MRTFA: variants seen among roughly 807,000 people sequenced by gnomAD.
MRTFA encodes myocardin related transcription factor A.
A neutral mutation model predicts 83.5 loss-of-function variants in MRTFA; 20 were observed. That is an observed-to-expected ratio of 0.24 (90% CI 0.17 to 0.35). The LOEUF (loss-of-function observed/expected upper bound fraction) is 0.35. MRTFA is among the 10% of genes least tolerant of loss of function. The pLI is 1.00. For synonymous variants in MRTFA, 659 were observed against 541.2 expected (o/e 1.22, Z -3.02); for missense variants, 1,200 against 1,224.7 (o/e 0.98, Z 0.30).
intron 3 of MRTFA, among the ~76,000 whole-genome samples, chr22:40,538,330 G>A (rs967192349): frequency 7.8e-5 from 11 of 140,434 alleles, no homozygotes; most frequent in African/African-American, 1.3e-4. Flanking sequence ...GATTAAGGGC[G>A]GTGCAAGATG....
chr22:40,410,868 T>TTACAC lies in MRTFA; in HGVS notation c.*517_*521dup, dbSNP rs2052503724. The TTACAC allele has an allele frequency of 4.3e-6, 1 of 233,340 alleles. No homozygotes were observed. Among genetic ancestry groups the TTACAC allele is most frequent in the Admixed American group, 5.6e-5 (1 of 17,776 alleles). 14.5% of individuals were successfully genotyped at this position (233,340 alleles called of 1,614,324 possible). ...ATTGTTGCCACCAACCACTAAATGGTTACACTACACCAAGACACTAAAATG... is the reference window on the plus strand; with the variant it reads ...ATTGTTGCCACCAACCACTAAATGGTTACACTACACTACACCAAGACACTAAAATG... On this transcript the variant is annotated 3_prime_UTR_variant, in exon 15 of 15. Coordinates refer to ENST00000355630, the MANE Select transcript of MRTFA (RefSeq NM_020831.6).
At chr22:40,489,623 A>G (rs910842945) in intron 3 of MRTFA, among the ~76,000 whole-genome samples, 2 of 152,034 alleles carry the variant, frequency 1.3e-5, no homozygotes, top group Admixed American at 1.3e-4. Context: ...CCATAATTTG[A>G]GTCCTTTCAA....
In MRTFA at chr22:40,418,382, G is replaced by T. The variant is rs769963035; in HGVS notation, c.2356C>A (p.Pro786Thr). 6.2e-7 allele frequency: 1 copy of T among 1,613,574 alleles called. No individual in the cohort carries two copies. Among genetic ancestry groups the T allele is most frequent in the Admixed American group, 1.7e-5 (1 of 59,968 alleles). The change falls in exon 12 of 15, where the codon CCC becomes ACC. Residue 786 changes from proline to threonine, a missense_variant. Physicochemically the swap from Pro to Thr is conservative, Grantham distance 38. Coordinates refer to ENST00000355630, the MANE Select transcript of MRTFA (RefSeq NM_020831.6). ...CTCCCATACCCAGGTACCTGCTGGG[G>T]GCTCCCACTGGACAGGCCAGGGCTG...
intron 8 of MRTFA, 40 bp downstream of exon 8, chr22:40,424,166 C>T (rs1259060887): frequency 5.1e-6 from 8 of 1,558,922 alleles, no homozygotes; most frequent in Admixed American, 2.0e-5. Flanking sequence ...GCAGCCCTAG[C>T]ACCTTGGAGC....
chr22:40,584,466 G>T (rs1304344683), intron 2 of MRTFA, among the ~76,000 whole-genome samples: 1 of 152,224 alleles, frequency 6.6e-6, no homozygotes, highest in Non-Finnish European at 1.5e-5. Flanking sequence ...GGCAGGCGTG[G>T]TGGCTTGCGC....
intron 3 of MRTFA, among the ~76,000 whole-genome samples, chr22:40,529,227 AATG>A (rs1751898863): frequency 6.6e-6 from 1 of 152,230 alleles, no homozygotes; most frequent in African/African-American, 2.4e-5. Flanking sequence ...AACAAACTGT[AATG>A]ATTAGGGAAA....
chr22:40,433,892 CA>C (rs1452009762), intron 5 of MRTFA, among the ~76,000 whole-genome samples: 2 of 152,080 alleles, frequency 1.3e-5, no homozygotes, highest in Admixed American at 1.3e-4. Flanking sequence ...GCATGGTAAG[CA>C]AATTGAACGT....
intron 2 of MRTFA, among the ~76,000 whole-genome samples, chr22:40,585,152 GA>G (rs2056009434): frequency 6.6e-6 from 1 of 152,216 alleles, no homozygotes; most frequent in African/African-American, 2.4e-5. Flanking sequence ...AAGGGAAGAG[GA>G]AACAAGGCAG....
At position 40,537,802 on chromosome 22, in the gene MRTFA, G is replaced by A. The variant is rs1486293160; in HGVS notation, c.241+14304C>T. Among the ~76,000 whole-genome samples, 187 of 27,526 alleles carry A rather than the reference G, an allele frequency of 6.8e-3. 6 individuals are homozygous for A. Among genetic ancestry groups the A allele is most frequent in the African/African-American group, 0.036 (169 of 4,678 alleles). The allele number at this position is 27,526 out of a possible 152,430, so 18.1% of individuals were successfully genotyped here. On this transcript the variant is annotated intron_variant, in intron 3 of 14. Coordinates refer to ENST00000355630, the MANE Select transcript of MRTFA (RefSeq NM_020831.6). The stretch of plus-strand genomic sequence containing the variant: ...AGCCCCCCGCCTGGCCAGCCGCCCC[G>A]TCCGGGAGGGAGGTGGGGGGGTCAG...
chr22:40,600,203 AAAGAG>A (rs929561673), intron 1 of MRTFA, among the ~76,000 whole-genome samples: 1 of 152,092 alleles, frequency 6.6e-6, no homozygotes, highest in Non-Finnish European at 1.5e-5. Flanking sequence ...TTCTGCACCC[AAAGAG>A]AAGATTAAAT....
chr22:40,411,924 A>G lies in MRTFA; in HGVS notation c.2579-17T>C. 1 of 1,476,362 alleles carries G rather than the reference A, an allele frequency of 6.8e-7. No homozygotes were observed. Among genetic ancestry groups the G allele is most frequent in the Non-Finnish European group, 9.0e-7 (1 of 1,112,038 alleles). 91.5% of individuals were successfully genotyped at this position (1,476,362 alleles called of 1,614,324 possible). ...CTGAAATTTCTGCCAATCAATCAAG[A>G]GAGTAAATGGATATCAGAAGCCAAG... On this transcript the variant is annotated splice_polypyrimidine_tract_variant and intron_variant, in intron 14 of 14. Transcript: ENST00000355630.
chr22:40,601,786 T>TAA (rs1394616528), intron 1 of MRTFA, among the ~76,000 whole-genome samples: 1 of 152,180 alleles, frequency 6.6e-6, no homozygotes, highest in Non-Finnish European at 1.5e-5. Context: ...TTTGTCTCTT[T>TAA]AAAAACAATG....
chr22:40,523,707 A>G (rs1443792984), intron 3 of MRTFA: 2 of 152,156 alleles, frequency 1.3e-5, no homozygotes, highest in Non-Finnish European at 2.9e-5. Flanking sequence ...TGCATTCCTA[A>G]TAGGCTTCCA....
rs1838668474 is a variant in MRTFA at position 40,420,960 on chromosome 22, G to A, written c.1068C>T (p.Asp356=). ...GCTGCAGGATCTTGGCGTAGGATGAGTCCATGGGGGGTGCCCCCCTGTCCT... is the reference window on the plus strand; with the variant it reads ...GCTGCAGGATCTTGGCGTAGGATGAATCCATGGGGGGTGCCCCCCTGTCCT... The change falls in exon 10 of 15, where the codon GAC becomes GAT. Residue 356 remains aspartate (D), a synonymous_variant. Coordinates refer to ENST00000355630, the MANE Select transcript of MRTFA (RefSeq NM_020831.6). 7 of 1,613,562 alleles carry A rather than the reference G, an allele frequency of 4.3e-6. No homozygotes were observed. The highest frequency in any genetic ancestry group is 2.2e-5 in the East Asian group (1 of 44,868).
At chr22:40,516,146 G>A (rs570950895) in intron 3 of MRTFA, among the ~76,000 whole-genome samples, 26 of 152,126 alleles carry the variant, frequency 1.7e-4, no homozygotes, top group Admixed American at 8.5e-4. Flanking sequence ...GGCTAGGCAC[G>A]GTGGCTCATG....
intron 1 of MRTFA, among the ~76,000 whole-genome samples, chr22:40,608,064 G>A (rs977905422): frequency 1.1e-4 from 17 of 152,054 alleles, no homozygotes; most frequent in African/African-American, 3.6e-4. Flanking sequence ...TCACTCTGTC[G>A]CCCAGGCTGG....
At chr22:40,481,514 T>C (rs1379594280) in intron 3 of MRTFA, among the ~76,000 whole-genome samples, 1 of 152,128 alleles carries the variant, frequency 6.6e-6, no homozygotes, top group African/African-American at 2.4e-5. Flanking sequence ...GTGTACGTAT[T>C]ATAATTTCAG....
intron 3 of MRTFA, among the ~76,000 whole-genome samples, chr22:40,492,835 T>C (rs1319079476): frequency 6.6e-6 from 1 of 152,258 alleles, no homozygotes; most frequent in Non-Finnish European, 1.5e-5. Context: ...AATGGTTAAC[T>C]GGCAAGTGTA....
At chr22:40,613,739 T>G (rs2056414462) in intron 1 of MRTFA, among the ~76,000 whole-genome samples, 1 of 151,876 alleles carries the variant, frequency 6.6e-6, no homozygotes, top group South Asian at 2.1e-4. Flanking sequence ...AAACCCCATC[T>G]CTACCAAAAA....
Sources: gnomAD v4.1 joint callset for allele counts (sites outside exome capture counted in the v4.1 genomes callset) on GRCh38, gnomAD v4.1.1 for gene constraint, MANE v1.5 for transcripts, NCBI Gene and HGNC (gene_info 2026-07-23, HGNC 2026-07-21) for gene names.